The following CEP85L variants were observed in gnomAD, a reference collection of about 807,000 sequenced individuals.
CEP85L encodes centrosomal protein 85L.
Under a neutral mutation model 100.3 loss-of-function variants are expected in CEP85L, and 60 were observed. That is an observed-to-expected ratio of 0.60 (90% CI 0.49 to 0.74). The LOEUF is 0.74. Among genes scored for constraint, CEP85L ranks in the 30% least tolerant of loss-of-function variants. CEP85L has a pLI of 0.00. For missense variants in CEP85L, 973 were observed against 936.2 expected (o/e 1.04, Z -0.51); for synonymous variants, 319 against 322.7 (o/e 0.99, Z 0.12).
intron 2 of CEP85L, among the ~76,000 whole-genome samples, chr6:118,574,609 G>A (rs1279721815): frequency 6.6e-6 from 1 of 152,156 alleles, no homozygotes; most frequent in Non-Finnish European, 1.5e-5. Flanking sequence ...TCAGGGGTAA[G>A]GAATCAGAAC....
chr6:118,478,142 A>AT (rs1008973789), intron 10 of CEP85L, among the ~76,000 whole-genome samples: 1 of 152,070 alleles, frequency 6.6e-6, no homozygotes, highest in African/African-American at 2.4e-5. Flanking sequence ...CCACAAGAAT[A>AT]TTTTTTCAAC....
At chr6:118,653,572 T>C (rs964415677), upstream of CEP85L, among the ~76,000 whole-genome samples, 11 of 152,224 alleles carry the variant, frequency 7.2e-5, no homozygotes, top group African/African-American at 2.7e-4. Context: ...CTAAGGACTA[T>C]CTAACCATTA....
intron 3 of CEP85L, among the ~76,000 whole-genome samples, chr6:118,527,002 C>CTTTTTTTTTTTTTTT (rs764883723): frequency 2.8e-4 from 28 of 98,728 alleles, no homozygotes; most frequent in African/African-American, 3.7e-4. Context: ...TTTACTTTTT[C>CTTTTTTTTTTTTTTT]TTTTTTTTTT....
Position 118,465,320 on chromosome 6 carries a change from A to G in CEP85L, c.*85T>C, listed in dbSNP as rs1361083634. ...GAAAAAAAATCCCTAAGTGCAAGTC[A>G]TGTCACTTGCAACCTTCCATTATGG... is the stretch of plus-strand genomic sequence containing the variant. On this transcript the variant is annotated 3_prime_UTR_variant, in exon 13 of 13. Coordinates refer to ENST00000368491, the MANE Select transcript of CEP85L (RefSeq NM_001042475.3). 1.5e-6 allele frequency: 2 copies of G among 1,301,082 alleles called. No homozygotes were observed. Among genetic ancestry groups the G allele is most frequent in the Admixed American group, 4.5e-5 (2 of 44,272 alleles). 80.6% of individuals were successfully genotyped at this position (1,301,082 alleles called of 1,614,324 possible). A position where few individuals can be genotyped will look rare whatever the true frequency, so the allele number is the denominator to read the frequency against.
upstream of CEP85L, among the ~76,000 whole-genome samples, chr6:118,652,195 T>C (rs1006713625): frequency 9.9e-5 from 15 of 152,060 alleles, 1 homozygote; most frequent in Non-Finnish European, 1.5e-5. Context: ...GGGGCCGTCA[T>C]TGTAATCGCA....
chr6:118,645,922 A>G (rs1267309638), intron 1 of CEP85L, among the ~76,000 whole-genome samples: 1 of 152,210 alleles, frequency 6.6e-6, no homozygotes, highest in Admixed American at 6.5e-5. Context: ...AAATATTGGT[A>G]TGAAAAGTAA....
intron 2 of CEP85L, among the ~76,000 whole-genome samples, chr6:118,567,103 G>C (rs1429486664): frequency 1.3e-5 from 2 of 151,430 alleles, no homozygotes; most frequent in Non-Finnish European, 2.9e-5. Flanking sequence ...AGAAATATGA[G>C]TAAAGGTGCT....
At chr6:118,647,496 G>C (rs191370977) in intron 1 of CEP85L, among the ~76,000 whole-genome samples, 1 of 152,184 alleles carries the variant, frequency 6.6e-6, no homozygotes, top group Admixed American at 6.5e-5. Context: ...TGAGTAGCTG[G>C]GATTACAGGC....
At chr6:118,476,739 G>A (rs776443506) in intron 10 of CEP85L, among the ~76,000 whole-genome samples, 2 of 152,106 alleles carry the variant, frequency 1.3e-5, no homozygotes, top group African/African-American at 2.4e-5. Flanking sequence ...TTCCAACCAC[G>A]GCCAAGTAAA....
At chr6:118,623,226 G>C (rs1773568690) in intron 2 of CEP85L, among the ~76,000 whole-genome samples, 1 of 152,186 alleles carries the variant, frequency 6.6e-6, no homozygotes, top group Non-Finnish European at 1.5e-5. Flanking sequence ...TCCATCATAA[G>C]GCCCCTCTGG....
chr6:118,475,166 C>G (rs1411007533), intron 10 of CEP85L, among the ~76,000 whole-genome samples: 1 of 151,986 alleles, frequency 6.6e-6, no homozygotes, highest in South Asian at 2.1e-4. Flanking sequence ...GCAGGTAGAT[C>G]AGTGGTTGCT....
chr6:118,658,005 T>C (rs1775855613), intron 1 of CEP85L, among the ~76,000 whole-genome samples: 1 of 152,282 alleles, frequency 6.6e-6, no homozygotes, highest in Admixed American at 6.5e-5. Context: ...AGCGTATTGC[T>C]TACCCAGTGG....
intron 1 of CEP85L, among the ~76,000 whole-genome samples, chr6:118,634,615 T>C (rs11967503): frequency 1.1e-4 from 16 of 152,164 alleles, no homozygotes; most frequent in African/African-American, 3.9e-4. Flanking sequence ...TCTCTCAGAA[T>C]GAGACTTTTC....
At chr6:118,626,385 C>T (rs1296564374) in intron 2 of CEP85L, among the ~76,000 whole-genome samples, 1 of 152,132 alleles carries the variant, frequency 6.6e-6, no homozygotes. Flanking sequence ...CTGTGATCAG[C>T]GGACCTTATC....
intron 1 of CEP85L, among the ~76,000 whole-genome samples, chr6:118,699,327 TC>T (rs1777335608): frequency 6.6e-6 from 1 of 151,786 alleles, no homozygotes; most frequent in South Asian, 2.1e-4. Flanking sequence ...TGGTGGCACG[TC>T]CCTGAAATTC....
At chr6:118,521,221 G>T (rs951555969) in intron 4 of CEP85L, among the ~76,000 whole-genome samples, 5 of 152,034 alleles carry the variant, frequency 3.3e-5, no homozygotes, top group African/African-American at 1.2e-4. Context: ...GCCTCTACAT[G>T]TGCCATCAAC....
intron 2 of CEP85L, among the ~76,000 whole-genome samples, chr6:118,568,128 G>A (rs1165423498): frequency 6.6e-6 from 1 of 152,140 alleles, no homozygotes; most frequent in African/African-American, 2.4e-5. Context: ...GGTGATACAG[G>A]CAACAGCAGA....
At chr6:118,703,990 G>A (rs990821515) in intron 1 of CEP85L, among the ~76,000 whole-genome samples, 3 of 152,098 alleles carry the variant, frequency 2.0e-5, no homozygotes, top group African/African-American at 4.8e-5. Context: ...ATATGTGAAT[G>A]ATCAAAAAAT....
intron 5 of CEP85L, among the ~76,000 whole-genome samples, chr6:118,503,246 T>C (rs1005175358): frequency 6.6e-6 from 1 of 152,160 alleles, no homozygotes; most frequent in African/African-American, 2.4e-5. Context: ...ATGTTCAAGA[T>C]CTATATGAAG....
Sources: allele counts gnomAD v4.1 joint callset (sites outside exome capture counted in the v4.1 genomes callset), GRCh38; gene constraint gnomAD v4.1.1; transcripts MANE v1.5; gene names NCBI Gene and HGNC (gene_info 2026-07-23, HGNC 2026-07-21).